Variants in MAD1L1 observed in about 807,000 individuals in gnomAD.
MAD1L1 encodes mitotic arrest deficient 1 like 1.
In MAD1L1, 95 loss-of-function variants were observed where a neutral mutation model predicts 96.9. The ratio of observed to expected loss-of-function variants is 0.98; its 90% CI spans 0.83 to 1.16. The LOEUF (loss-of-function observed/expected upper bound fraction) is 1.16. Ranked by LOEUF, MAD1L1 falls within the 50% of genes most tolerant of loss-of-function variation. The pLI is 0.00. For missense variants in MAD1L1, 1,007 were observed against 954.4 expected (o/e 1.06, Z -0.73); for synonymous variants, 473 against 396.6 (o/e 1.19, Z -2.29).
chr7:2,051,374 C>A (rs1219441004), intron 12 of MAD1L1, among the ~76,000 whole-genome samples: 1 of 152,206 alleles, frequency 6.6e-6, no homozygotes, highest in Non-Finnish European at 1.5e-5. Flanking sequence ...GGTTTCTCGT[C>A]CATAACCCAC....
chr7:2,134,154 C>T (rs537774071), intron 11 of MAD1L1, among the ~76,000 whole-genome samples: 6 of 152,296 alleles, frequency 3.9e-5, no homozygotes, highest in South Asian at 2.1e-4. Context: ...CATAGAATGC[C>T]GCTGCATTGA....
chr7:1,900,678 G>C (rs900329886), intron 17 of MAD1L1, among the ~76,000 whole-genome samples: 2 of 152,192 alleles, frequency 1.3e-5, no homozygotes, highest in African/African-American at 4.8e-5. Context: ...CCACATTTCA[G>C]AGGCCATATT....
intron 10 of MAD1L1, among the ~76,000 whole-genome samples, chr7:2,212,523 T>C (rs1793001814): frequency 6.6e-6 from 1 of 152,178 alleles, no homozygotes; most frequent in Non-Finnish European, 1.5e-5. Context: ...TGAGTTCTCA[T>C]GAGATCTGGT....
At chr7:1,841,677 C>G (rs1783268194) in intron 18 of MAD1L1, among the ~76,000 whole-genome samples, 1 of 152,204 alleles carries the variant, frequency 6.6e-6, no homozygotes, top group African/African-American at 2.4e-5. Flanking sequence ...GCCAGTCCGG[C>G]CTTCCCGGAC....
chr7:1,923,533 G>GCTCTTCCGCCCCGGCACCCGGGCAACCCC (rs1554296518), intron 17 of MAD1L1, among the ~76,000 whole-genome samples: 1 of 152,266 alleles, frequency 6.6e-6, no homozygotes, highest in Non-Finnish European at 1.5e-5. Flanking sequence ...GCAATCCTGC[G>GCTCTTCCGCCCCGGCACCCGGGCAACCCC]GAGGTACAGC....
chr7:2,130,759 C>G (rs1005234402), intron 11 of MAD1L1, among the ~76,000 whole-genome samples: 4 of 152,204 alleles, frequency 2.6e-5, no homozygotes, highest in African/African-American at 9.7e-5. Flanking sequence ...TTCCAGTCAC[C>G]GATCTTTGTG....
At chr7:1,873,446 G>T (rs544173061) in intron 18 of MAD1L1, among the ~76,000 whole-genome samples, 1 of 152,056 alleles carries the variant, frequency 6.6e-6, no homozygotes, top group Non-Finnish European at 1.5e-5. Flanking sequence ...TGCGAGGGGC[G>T]GTGGGGAGGG....
intron 11 of MAD1L1, among the ~76,000 whole-genome samples, chr7:2,081,340 C>G (rs1422019234): frequency 2.6e-5 from 4 of 152,170 alleles, no homozygotes; most frequent in African/African-American, 9.7e-5. Context: ...CCATCGAGTT[C>G]CCTCAAACTG....
chr7:1,945,307 G>C (rs1779178378), intron 16 of MAD1L1, among the ~76,000 whole-genome samples: 1 of 152,238 alleles, frequency 6.6e-6, no homozygotes, highest in Admixed American at 6.5e-5. Context: ...CAGCACCGAG[G>C]ACTATCCCGG....
chr7:1,836,021 CTTTCTTT>C (rs1335753787), intron 18 of MAD1L1, among the ~76,000 whole-genome samples: 1 of 151,958 alleles, frequency 6.6e-6, no homozygotes, highest in Non-Finnish European at 1.5e-5. Context: ...CCAGAGGTCA[CTTTCTTT>C]TTTCTTTTTT....
chr7:2,002,135 C>G lies in MAD1L1; in HGVS notation c.1360-14G>C. 1 of 1,612,616 alleles carries G rather than the reference C, an allele frequency of 6.2e-7. No homozygotes were observed. Among genetic ancestry groups the G allele is most frequent in the Non-Finnish European group, 8.5e-7 (1 of 1,179,912 alleles). ...CGACAGCTGAGCCTGCAAGACAAGA[C>G]AGGATTCGGCCTGAGACTGTGGTGG... On this transcript the variant is annotated splice_polypyrimidine_tract_variant and intron_variant, in intron 13 of 18. Coordinates refer to ENST00000265854, the MANE Select transcript of MAD1L1 (RefSeq NM_001013836.2).
intron 18 of MAD1L1, among the ~76,000 whole-genome samples, chr7:1,835,833 T>C (rs1409405212): frequency 1.3e-5 from 2 of 152,232 alleles, no homozygotes; most frequent in Non-Finnish European, 2.9e-5. Context: ...GGATTATTCA[T>C]GAGTTTTCCG....
At position 2,146,885 on chromosome 7, in the gene MAD1L1, G is replaced by A. The variant is rs374282042; in HGVS notation, c.1073+2267C>T. On this transcript the variant is annotated intron_variant, in intron 11 of 18. Coordinates refer to ENST00000265854, the MANE Select transcript of MAD1L1 (RefSeq NM_001013836.2). This position sits in a 1 kb window ranked among gnomAD's most constrained non-coding sequence, Gnocchi z 6.2. ...GCGACGAACACGGTGTCCCGCCACG[G>A]AAGAGAGCAGCAGCCCAGAGGCCAG... Among the ~76,000 whole-genome samples the A allele has an allele frequency of 2.5e-4, 38 of 152,332 alleles. No homozygotes were observed. The highest frequency in any genetic ancestry group is 8.9e-4 in the African/African-American group (37 of 41,576).
chr7:2,161,059 T>C (rs935509422), intron 10 of MAD1L1, among the ~76,000 whole-genome samples: 1 of 147,840 alleles, frequency 6.8e-6, no homozygotes, highest in African/African-American at 2.5e-5. Context: ...CAGCAATATA[T>C]CACTGCAAGG....
intron 11 of MAD1L1, among the ~76,000 whole-genome samples, chr7:2,082,402 G>C (rs1406096363): frequency 1.3e-5 from 2 of 152,178 alleles, no homozygotes; most frequent in Non-Finnish European, 2.9e-5. Flanking sequence ...GGAGATGGGA[G>C]AGACAGAAGG....
At chr7:1,829,865 T>G (rs534502290) in intron 18 of MAD1L1, among the ~76,000 whole-genome samples, 1 of 152,094 alleles carries the variant, frequency 6.6e-6, no homozygotes, top group African/African-American at 2.4e-5. Context: ...GGAACAAAGA[T>G]GAGAATGACA....
At chr7:1,942,797 C>G (rs1562547689) in intron 16 of MAD1L1, among the ~76,000 whole-genome samples, 2 of 152,146 alleles carry the variant, frequency 1.3e-5, no homozygotes, top group Non-Finnish European at 2.9e-5. Flanking sequence ...GAAACTCACA[C>G]GGAACTGCAG....
chr7:2,180,102 G>T (rs1791129761), intron 10 of MAD1L1, among the ~76,000 whole-genome samples: 2 of 152,332 alleles, frequency 1.3e-5, no homozygotes, highest in Admixed American at 1.3e-4. Flanking sequence ...CTGAGTGACA[G>T]CAGTGGCAAA....
intron 18 of MAD1L1, among the ~76,000 whole-genome samples, chr7:1,842,085 A>G (rs1446310495): frequency 6.6e-6 from 1 of 152,160 alleles, no homozygotes; most frequent in Non-Finnish European, 1.5e-5. Flanking sequence ...TGATCATGAA[A>G]GGGAATTTTC....
Sources: allele counts gnomAD v4.1 joint callset (sites outside exome capture counted in the v4.1 genomes callset), GRCh38; gene constraint gnomAD v4.1.1; non-coding constraint Gnocchi (gnomAD v3.1); transcripts MANE v1.5; gene names NCBI Gene and HGNC (gene_info 2026-07-23, HGNC 2026-07-21).